Variants in FRMD4A observed in about 807,000 individuals in gnomAD.
FRMD4A encodes the protein FERM domain containing 4A, also known as FERM domain-containing protein 4A.
A neutral mutation model predicts 129.1 loss-of-function variants in FRMD4A; 29 were observed. The observed-to-expected ratio is 0.22, with a 90% CI of 0.17 to 0.31. The LOEUF (loss-of-function observed/expected upper bound fraction) is 0.31. Among genes scored for constraint, FRMD4A ranks in the 10% least tolerant of loss-of-function variants. The probability of loss-of-function intolerance (pLI) is 1.00; values close to 1 mark genes in which losing one functional copy is unlikely to be tolerated. For missense variants in FRMD4A, 1,272 were observed against 1,375.8 expected (o/e 0.92, Z 1.19); for synonymous variants, 634 against 571.6 (o/e 1.11, Z -1.56).
intron 3 of FRMD4A, among the ~76,000 whole-genome samples, chr10:13,834,142 T>C (rs1006856331): frequency 3.9e-5 from 6 of 152,082 alleles, no homozygotes; most frequent in Non-Finnish European, 7.4e-5. Context: ...TGGGTGACTG[T>C]AATTCCAGCT....
At chr10:13,695,329 C>T (rs554848382) in intron 14 of FRMD4A, among the ~76,000 whole-genome samples, 11 of 152,082 alleles carry the variant, frequency 7.2e-5, no homozygotes, top group East Asian at 1.9e-4. Context: ...TTAGTAGAGA[C>T]GGGGTTTTGC....
chr10:13,781,368 CTT>C (rs1161094661), intron 6 of FRMD4A, among the ~76,000 whole-genome samples: 96 of 70,708 alleles, frequency 1.4e-3, no homozygotes, highest in Admixed American at 7.6e-3. Context: ...ATGGATGAAC[CTT>C]TTTTTTTTTT....
intron 3 of FRMD4A, among the ~76,000 whole-genome samples, chr10:13,854,956 T>C (rs569248250): frequency 6.6e-6 from 1 of 152,282 alleles, no homozygotes; most frequent in East Asian, 1.9e-4. Context: ...GGTAAAGACG[T>C]GGGTGTCAGG....
At chr10:13,854,301 G>C (rs2094183100) in intron 3 of FRMD4A, among the ~76,000 whole-genome samples, 2 of 152,172 alleles carry the variant, frequency 1.3e-5, no homozygotes, top group African/African-American at 4.8e-5. Context: ...ATGACAACGA[G>C]ACTTAGGGAG....
intron 12 of FRMD4A, among the ~76,000 whole-genome samples, chr10:13,723,099 T>G (rs1024467669): frequency 7.1e-6 from 1 of 141,340 alleles, no homozygotes; most frequent in African/African-American, 2.7e-5. Context: ...AGTTTTTATG[T>G]TGGTTAGCTA....
intron 5 of FRMD4A, among the ~76,000 whole-genome samples, chr10:13,792,167 C>T (rs539855177): frequency 2.0e-5 from 3 of 152,176 alleles, no homozygotes; most frequent in African/African-American, 4.8e-5. Flanking sequence ...ACCAGGCTGG[C>T]AGGCCTGGCG....
At chr10:13,750,656 A>T (rs1460621383) in intron 8 of FRMD4A, among the ~76,000 whole-genome samples, 1 of 152,182 alleles carries the variant, frequency 6.6e-6, no homozygotes, top group Non-Finnish European at 1.5e-5. Context: ...AATCCATCAG[A>T]GTAAGAGGAA....
chr10:14,083,356 C>A (rs1836045949), intron 2 of FRMD4A: 3 of 152,234 alleles, frequency 2.0e-5, no homozygotes, highest in Admixed American at 1.3e-4. Flanking sequence ...CAGCTCTGGT[C>A]ACTGAGTTGG....
At chr10:13,803,266 C>T (rs1281921942) in intron 4 of FRMD4A, among the ~76,000 whole-genome samples, 1 of 152,208 alleles carries the variant, frequency 6.6e-6, no homozygotes, top group Non-Finnish European at 1.5e-5. Context: ...ATCATGGGCT[C>T]TCCAGCCCAG....
chr10:13,707,039 G>A lies in FRMD4A; in HGVS notation c.834C>T (p.Arg278=). ...AGAAAAGGACTTTTCAAGCTTACCT[G>A]CGTGGGTCATGAACTTCCACGGAAA... ...KKFSVEVHDP[R]RASVTRRTFG... is the part of the protein sequence containing the mutation. The change falls in exon 13 of 25, where the codon CGC becomes CGT. Residue 278 remains arginine (R), a splice_region_variant and synonymous_variant. Coordinates refer to ENST00000357447, the MANE Select transcript of FRMD4A (RefSeq NM_018027.5). The A allele has an allele frequency of 6.5e-7, 1 of 1,543,358 alleles. No individual in the cohort carries two copies. The highest frequency in any genetic ancestry group is 1.1e-5 in the South Asian group (1 of 89,604).
chr10:14,005,118 G>A, intron 2 of FRMD4A, among the ~76,000 whole-genome samples: 1 of 151,772 alleles, frequency 6.6e-6, no homozygotes, highest in South Asian at 2.1e-4. Context: ...CACCTCCCAG[G>A]TTCAAGCGAT....
chr10:14,016,390 C>T (rs2095699219), intron 2 of FRMD4A, among the ~76,000 whole-genome samples: 2 of 152,192 alleles, frequency 1.3e-5, no homozygotes, highest in African/African-American at 4.8e-5. Flanking sequence ...ACGTGTGCAC[C>T]TTCCCTTTTC....
At chr10:13,962,692 A>G (rs912071748) in intron 2 of FRMD4A, among the ~76,000 whole-genome samples, 5 of 152,202 alleles carry the variant, frequency 3.3e-5, no homozygotes, top group Admixed American at 6.5e-5. Context: ...GTAGACCTTT[A>G]GAAGCCCTCA....
At chr10:14,051,046 G>T (rs1321904162) in intron 2 of FRMD4A, among the ~76,000 whole-genome samples, 1 of 152,208 alleles carries the variant, frequency 6.6e-6, no homozygotes, top group East Asian at 1.9e-4. Flanking sequence ...TTTACTTGGG[G>T]GATCTGACAC....
chr10:14,318,200 CAT>C (rs1017509839), intron 2 of FRMD4A, among the ~76,000 whole-genome samples: 1 of 152,116 alleles, frequency 6.6e-6, no homozygotes, highest in Non-Finnish European at 1.5e-5. Context: ...AGGCCCCAAA[CAT>C]AGTCTCCTGT....
chr10:13,879,712 C>CCTCCCTT (rs1434215359), intron 2 of FRMD4A, among the ~76,000 whole-genome samples: 1 of 148,782 alleles, frequency 6.7e-6, no homozygotes, highest in Non-Finnish European at 1.5e-5. Flanking sequence ...TCCTCCTCTT[C>CCTCCCTT]CTCCCTTCTC....
At chr10:14,231,193 C>T (rs1014350407) in intron 2 of FRMD4A, among the ~76,000 whole-genome samples, 1 of 152,160 alleles carries the variant, frequency 6.6e-6, no homozygotes, top group African/African-American at 2.4e-5. Context: ...TTTGAGAAAT[C>T]GCCAAACTCC....
intron 2 of FRMD4A, among the ~76,000 whole-genome samples, chr10:14,164,217 G>A (rs1841050915): frequency 6.6e-6 from 1 of 152,230 alleles, no homozygotes; most frequent in African/African-American, 2.4e-5. Context: ...TTTTCATCCT[G>A]TATTTGCCCA....
At chr10:14,290,733 G>C (rs1845825009) in intron 2 of FRMD4A, among the ~76,000 whole-genome samples, 1 of 151,972 alleles carries the variant, frequency 6.6e-6, no homozygotes, top group African/African-American at 2.4e-5. Flanking sequence ...TAGGCAAGTG[G>C]GATGACTACA....
Sources: allele counts gnomAD v4.1 joint callset (sites outside exome capture counted in the v4.1 genomes callset), GRCh38; gene constraint gnomAD v4.1.1; transcripts MANE v1.5; gene names NCBI Gene and HGNC (gene_info 2026-07-23, HGNC 2026-07-21).